The following PIK3R3 variants were observed in gnomAD, a reference collection of about 807,000 sequenced individuals.
The protein encoded by PIK3R3 is phosphatidylinositol 3-kinase regulatory subunit gamma.
PIK3R3 carries 64 observed loss-of-function variants against 62.9 expected under a neutral mutation model. That is an observed-to-expected ratio of 1.02 (90% CI 0.83 to 1.25). The LOEUF (loss-of-function observed/expected upper bound fraction) is 1.25, where lower values mean the gene tolerates loss of function less well. PIK3R3 is among the 50% of genes most tolerant of loss of function. The pLI is 0.00. For missense variants in PIK3R3, 614 were observed against 561.6 expected (o/e 1.09, Z -0.94); for synonymous variants, 165 against 189.0 (o/e 0.87, Z 1.04).
At chr1:46,106,836 C>T (rs997255955) in intron 1 of PIK3R3, among the ~76,000 whole-genome samples, 2 of 152,000 alleles carry the variant, frequency 1.3e-5, no homozygotes, top group Non-Finnish European at 2.9e-5. Flanking sequence ...AGTGCAATGG[C>T]GTGATCTCGG....
chr1:46,046,675 A>C (rs1229503345), intron 7 of PIK3R3, 50 bp from the exon 8 acceptor site: 1 of 1,290,240 alleles, frequency 7.8e-7, no homozygotes, highest in Admixed American at 1.7e-5. Flanking sequence ...CTCTGACTGG[A>C]CAAAGTAGGT....
chr1:46,143,654 A>AT, the PIK3R3 span, among the ~76,000 whole-genome samples: 578 of 146,630 alleles, frequency 3.9e-3, 1 homozygote, highest in Middle Eastern at 7.2e-3. Context: ...AAGAAAAAAA[A>AT]TTTTTTTTTT....
At position 46,043,308 on chromosome 1, in the gene PIK3R3, T is replaced by C; in HGVS notation, c.*365A>G. On this transcript the variant is annotated 3_prime_UTR_variant, in exon 10 of 10. Coordinates refer to ENST00000262741, the MANE Select transcript of PIK3R3 (RefSeq NM_003629.4). ...CCCTGCTGCACTCTCAAGAGTTAGA[T>C]TTTAAAAAGACATGGTCTCTTCAGA... 7.5e-6 allele frequency: 2 copies of C among 266,868 alleles called. No individual in the cohort carries two copies. Among genetic ancestry groups the C allele is most frequent in the East Asian group, 1.1e-4 (2 of 18,298 alleles). The allele number at this position is 266,868 out of a possible 1,614,324, so 16.5% of individuals were successfully genotyped here.
At chr1:46,051,660 A>G (rs938526713) in intron 7 of PIK3R3, among the ~76,000 whole-genome samples, 2 of 152,058 alleles carry the variant, frequency 1.3e-5, no homozygotes, top group African/African-American at 4.8e-5. Context: ...ACCCATCATC[A>G]TTATGTACCT....
the PIK3R3 span, among the ~76,000 whole-genome samples, chr1:46,161,830 A>T: frequency 3.3e-5 from 5 of 152,172 alleles, no homozygotes; most frequent in Admixed American, 1.3e-4. Context: ...CGGTGGCTCA[A>T]GCCTGTAATC....
In PIK3R3 at chr1:46,132,149, C is replaced by T; in HGVS notation, c.-197G>A. ...CTCTCCTACAGAACACAACAAAATG[C>T]CCCCGAACTTTCAAGCTATGGGCTT... On this transcript the variant is annotated 5_prime_UTR_variant, in exon 1 of 10. Transcript: ENST00000262741. The T allele has an allele frequency of 2.9e-6, 4 of 1,357,400 alleles. No individual in the cohort carries two copies. Among genetic ancestry groups the T allele is most frequent in the Non-Finnish European group, 2.8e-6 (3 of 1,053,974 alleles). 84.1% of individuals were successfully genotyped at this position (1,357,400 alleles called of 1,614,324 possible). A position where few individuals can be genotyped will look rare whatever the true frequency, so the allele number is the denominator to read the frequency against.
At chr1:46,167,153 G>A in the PIK3R3 span, among the ~76,000 whole-genome samples, 2 of 152,272 alleles carry the variant, frequency 1.3e-5, no homozygotes, top group Admixed American at 1.3e-4. Context: ...CTTGGGTCAG[G>A]GCCAGGAAAG....
chr1:46,121,697 T>A (rs1475011867), intron 1 of PIK3R3, among the ~76,000 whole-genome samples: 1 of 152,146 alleles, frequency 6.6e-6, no homozygotes, highest in South Asian at 2.1e-4. Flanking sequence ...TATTTAAGAT[T>A]ACACAGTTGC....
intron 1 of PIK3R3, among the ~76,000 whole-genome samples, chr1:46,094,450 T>C (rs551004479): frequency 8.5e-5 from 13 of 152,168 alleles, no homozygotes; most frequent in African/African-American, 3.1e-4. Context: ...TTTGAAAGCC[T>C]AAAAATAAAA....
chr1:46,155,787 T>C, the PIK3R3 span, among the ~76,000 whole-genome samples: 2,744 of 152,250 alleles, frequency 0.018, 42 homozygotes, highest in Middle Eastern at 0.031. Flanking sequence ...ATTTTAATTG[T>C]TATGGGTACA....
intron 1 of PIK3R3, among the ~76,000 whole-genome samples, chr1:46,119,773 A>ATT (rs749113212): frequency 4.7e-4 from 59 of 124,302 alleles, no homozygotes; most frequent in Admixed American, 1.0e-3. Flanking sequence ...CCAACTCCTA[A>ATT]TTTTTTTTTT....
At chr1:46,072,958 A>AATAT (rs56768076) in intron 3 of PIK3R3, among the ~76,000 whole-genome samples, 28 of 146,972 alleles carry the variant, frequency 1.9e-4, no homozygotes, top group South Asian at 1.1e-3. Context: ...AATATAAATA[A>AATAT]ATATATATAT....
intron 1 of PIK3R3, among the ~76,000 whole-genome samples, chr1:46,111,900 C>A (rs568805084): frequency 9.2e-5 from 14 of 152,190 alleles, no homozygotes; most frequent in African/African-American, 2.9e-4. Context: ...GTTAAGTCAC[C>A]ATATCAGTGA....
the PIK3R3 span, among the ~76,000 whole-genome samples, chr1:46,167,540 T>C: frequency 1.4e-4 from 22 of 152,284 alleles, no homozygotes; most frequent in African/African-American, 4.8e-4. Flanking sequence ...TAAAGGAAAC[T>C]GCCAGCCTGG....
chr1:46,150,032 T>C, the PIK3R3 span, among the ~76,000 whole-genome samples: 2 of 152,250 alleles, frequency 1.3e-5, no homozygotes, highest in Admixed American at 1.3e-4. Context: ...GCTTCTGTTA[T>C]CCAAAGATAA....
chr1:46,092,427 T>C (rs1651723917), intron 1 of PIK3R3, among the ~76,000 whole-genome samples: 1 of 152,130 alleles, frequency 6.6e-6, no homozygotes, highest in Non-Finnish European at 1.5e-5. Context: ...GCAGTGGTGC[T>C]ATCTCGACTC....
chr1:46,053,108 A>T (rs1366383220), intron 7 of PIK3R3, among the ~76,000 whole-genome samples: 1 of 152,216 alleles, frequency 6.6e-6, no homozygotes, highest in Non-Finnish European at 1.5e-5. Context: ...GGACCATGGG[A>T]CACTGAACTA....
At chr1:46,118,554 CTT>C (rs1291550266) in intron 1 of PIK3R3, among the ~76,000 whole-genome samples, 21 of 132,202 alleles carry the variant, frequency 1.6e-4, no homozygotes, top group Non-Finnish European at 1.5e-4. Flanking sequence ...CATTACTTGT[CTT>C]TTTTTTTTTT....
intron 1 of PIK3R3, among the ~76,000 whole-genome samples, chr1:46,123,837 C>A (rs567687094): frequency 6.6e-6 from 1 of 152,298 alleles, no homozygotes; most frequent in African/African-American, 2.4e-5. Context: ...ATAATAATTT[C>A]TTCAACAAAT....
Sources: gnomAD v4.1 joint callset for allele counts (sites outside exome capture counted in the v4.1 genomes callset) on GRCh38, gnomAD v4.1.1 for gene constraint, MANE v1.5 for transcripts, NCBI Gene and HGNC (gene_info 2026-07-23, HGNC 2026-07-21) for gene names.